Variants in TAF3 observed in about 807,000 individuals in gnomAD.
The protein encoded by TAF3 is transcription initiation factor TFIID subunit 3.
Under a neutral mutation model 80.6 loss-of-function variants are expected in TAF3, and 7 were observed. That is an observed-to-expected ratio of 0.09 (90% CI 0.05 to 0.16). The LOEUF (loss-of-function observed/expected upper bound fraction) is 0.16, where lower values mean the gene tolerates loss of function less well. Among genes scored for constraint, TAF3 ranks in the 10% least tolerant of loss-of-function variants. The pLI, the probability that TAF3 is intolerant of heterozygous loss-of-function variation, is 1.00. For synonymous variants in TAF3, 444 were observed against 446.1 expected, an observed-to-expected ratio of 1.00 and a Z score of 0.06; for missense variants, 921 against 1,140.2, an observed-to-expected ratio of 0.81 and a Z score of 2.77.
At chr10:7,988,353 G>A (rs960460126) in intron 4 of TAF3, among the ~76,000 whole-genome samples, 4 of 151,862 alleles carry the variant, frequency 2.6e-5, no homozygotes, top group African/African-American at 9.7e-5. Context: ...ACTTTGGGAG[G>A]CCAAGGCAAA....
chr10:7,998,263 ATG>A (rs1336453640), intron 4 of TAF3, among the ~76,000 whole-genome samples: 2,871 of 77,980 alleles, frequency 0.037, 97 homozygotes, highest in African/African-American at 0.11. Flanking sequence ...ATATATATAT[ATG>A]TATATATATA....
chr10:7,926,970 T>C lies in TAF3; in HGVS notation c.410-36950T>C, dbSNP rs74123809. Reference sequence around the variant, plus strand: ...CTAGTGGTATTCTAGGGGTTGAGAATCCAAAGATGAAAGTGGCCTACCATG... The same window carrying C: ...CTAGTGGTATTCTAGGGGTTGAGAACCCAAAGATGAAAGTGGCCTACCATG... On this transcript the variant is annotated intron_variant, in intron 2 of 6. Transcript: ENST00000344293. Among the ~76,000 whole-genome samples the C allele has an allele frequency of 7.5e-3, 1,146 of 152,214 alleles. 13 individuals carry two copies. Among genetic ancestry groups the C allele is most frequent in the African/African-American group, 0.026 (1,080 of 41,512 alleles).
At chr10:7,885,921 T>C in intron 2 of TAF3, among the ~76,000 whole-genome samples, 1 of 152,098 alleles carries the variant, frequency 6.6e-6, no homozygotes, top group East Asian at 1.9e-4. Flanking sequence ...TCTTCCTCTG[T>C]TGATACTTTT....
At chr10:7,822,488 G>GA (rs34397533) in intron 1 of TAF3, among the ~76,000 whole-genome samples, 52,814 of 149,564 alleles carry the variant, frequency 0.35, 9,210 homozygotes, top group South Asian at 0.44. Context: ...CATACTTATA[G>GA]AAAAAAAAAA....
chr10:7,845,043 G>C (rs1232685962), intron 2 of TAF3, among the ~76,000 whole-genome samples: 1 of 152,106 alleles, frequency 6.6e-6, no homozygotes, highest in Non-Finnish European at 1.5e-5. Flanking sequence ...TATGGTTTTT[G>C]ACACATATTA....
At chr10:7,857,324 C>G (rs982429741) in intron 2 of TAF3, among the ~76,000 whole-genome samples, 7 of 152,204 alleles carry the variant, frequency 4.6e-5, no homozygotes, top group Admixed American at 4.6e-4. Context: ...ACTTTGCCTT[C>G]CCTATCACAG....
intron 2 of TAF3, chr10:7,833,937 G>A: frequency 7.0e-6 from 3 of 429,420 alleles, no homozygotes; most frequent in Non-Finnish European, 1.1e-5. Flanking sequence ...TCAAGATCTT[G>A]CCATTCCCGC....
chr10:7,862,347 G>C (rs1451710627), intron 2 of TAF3, among the ~76,000 whole-genome samples: 1 of 152,116 alleles, frequency 6.6e-6, no homozygotes, highest in East Asian at 1.9e-4. Context: ...GGTGGATTCT[G>C]CTGTTTTCCT....
At chr10:7,966,730 A>G (rs568401367) in intron 3 of TAF3, among the ~76,000 whole-genome samples, 1 of 152,326 alleles carries the variant, frequency 6.6e-6, no homozygotes, top group East Asian at 1.9e-4. Flanking sequence ...TGCAGCAGAT[A>G]TATTACCAAT....
intron 1 of TAF3, among the ~76,000 whole-genome samples, chr10:7,823,822 A>G (rs527543459): frequency 6.6e-6 from 1 of 151,818 alleles, no homozygotes; most frequent in Non-Finnish European, 1.5e-5. Context: ...TTTAGTAGAG[A>G]CGGGGTTTCA....
chr10:7,827,133 A>G (rs923854807), intron 2 of TAF3, among the ~76,000 whole-genome samples: 2 of 152,200 alleles, frequency 1.3e-5, no homozygotes, highest in African/African-American at 4.8e-5. Context: ...GAGTGTGCAC[A>G]CATAGAAGGC....
At chr10:7,983,438 G>T (rs1056236045) in intron 4 of TAF3, among the ~76,000 whole-genome samples, 1 of 152,192 alleles carries the variant, frequency 6.6e-6, no homozygotes, top group Non-Finnish European at 1.5e-5. Flanking sequence ...CCTGGTTGGT[G>T]TACAAAAGGA....
chr10:7,828,721 G>A (rs941761225), intron 2 of TAF3, among the ~76,000 whole-genome samples: 1 of 151,830 alleles, frequency 6.6e-6, no homozygotes, highest in African/African-American at 2.4e-5. Context: ...CTGTTGATTG[G>A]TTCAAAATAT....
At chr10:7,858,003 T>G (rs1206942386) in intron 2 of TAF3, among the ~76,000 whole-genome samples, 1 of 150,788 alleles carries the variant, frequency 6.6e-6, no homozygotes, top group East Asian at 2.0e-4. Flanking sequence ...GAGAGTGGAA[T>G]TTGAGGATTT....
At chr10:7,819,654 A>G (rs1255811895) in intron 1 of TAF3, among the ~76,000 whole-genome samples, 2 of 152,182 alleles carry the variant, frequency 1.3e-5, no homozygotes, top group Non-Finnish European at 2.9e-5. Context: ...GGAATATTTT[A>G]ATAGAAGCTC....
At chr10:7,876,805 T>G (rs1372205305) in intron 2 of TAF3, among the ~76,000 whole-genome samples, 1 of 152,192 alleles carries the variant, frequency 6.6e-6, no homozygotes, top group Non-Finnish European at 1.5e-5. Flanking sequence ...ATTAAAACTA[T>G]TTTTCCTCTT....
chr10:7,918,748 G>A (rs1837735700), intron 2 of TAF3, among the ~76,000 whole-genome samples: 1 of 152,142 alleles, frequency 6.6e-6, no homozygotes, highest in African/African-American at 2.4e-5. Context: ...ATTTCTATCT[G>A]TTACCTGGGA....
At chr10:7,888,580 A>G (rs759701081) in intron 2 of TAF3, among the ~76,000 whole-genome samples, 8 of 152,190 alleles carry the variant, frequency 5.3e-5, no homozygotes, top group Non-Finnish European at 1.0e-4. Flanking sequence ...CTTTCAGTCT[A>G]CAGTGATGTG....
At chr10:7,848,152 G>C (rs552124616) in intron 2 of TAF3, among the ~76,000 whole-genome samples, 1 of 152,248 alleles carries the variant, frequency 6.6e-6, no homozygotes, top group East Asian at 1.9e-4. Flanking sequence ...CAATATAAAG[G>C]TTCCATTGGA....
Sources: gnomAD v4.1 joint callset for allele counts (sites outside exome capture counted in the v4.1 genomes callset) on GRCh38, gnomAD v4.1.1 for gene constraint, MANE v1.5 for transcripts, NCBI Gene and HGNC (gene_info 2026-07-23, HGNC 2026-07-21) for gene names.